The following UGT2A1 variants were observed in gnomAD, a reference collection of about 807,000 sequenced individuals.
UGT2A1 encodes UDP glucuronosyltransferase family 2 member A1 complex locus.
Under a neutral mutation model 45.4 loss-of-function variants are expected in UGT2A1, and 61 were observed. That is an observed-to-expected ratio of 1.34 (90% CI 1.09 to 1.66). The LOEUF is 1.66. Among genes scored for constraint, UGT2A1 ranks in the 40% most tolerant of loss-of-function variants. The pLI, the probability that UGT2A1 is intolerant of heterozygous loss-of-function variation, is 0.00. For missense variants in UGT2A1, 649 were observed against 574.3 expected (o/e 1.13, Z -1.33); for synonymous variants, 229 against 196.2 (o/e 1.17, Z -1.40).
chr4:69,605,181 CCT>C (rs1203683697), intron 3 of UGT2A1, among the ~76,000 whole-genome samples: 1 of 136,710 alleles, frequency 7.3e-6, no homozygotes, highest in Non-Finnish European at 1.6e-5. Context: ...GTAAAGCACT[CCT>C]CAGCAAATGT....
At chr4:69,643,088 C>T (rs1722113437) in intron 2 of UGT2A1, among the ~76,000 whole-genome samples, 1 of 151,390 alleles carries the variant, frequency 6.6e-6, no homozygotes, top group African/African-American at 2.4e-5. Context: ...GAAAGCTCTC[C>T]TAATGCCAAA....
At chr4:69,609,675 C>T (rs571861889) in intron 3 of UGT2A1, among the ~76,000 whole-genome samples, 63 of 138,646 alleles carry the variant, frequency 4.5e-4, no homozygotes, top group Non-Finnish European at 9.1e-4. Flanking sequence ...TATTTCTATA[C>T]CTATACCCAC....
At chr4:69,609,083 A>C (rs1719866537) in intron 3 of UGT2A1, among the ~76,000 whole-genome samples, 1 of 152,092 alleles carries the variant, frequency 6.6e-6, no homozygotes, top group African/African-American at 2.4e-5. Context: ...AGATAATGAG[A>C]AAACCATCAT....
intron 3 of UGT2A1, among the ~76,000 whole-genome samples, chr4:69,633,114 G>C (rs1347745735): frequency 1.3e-5 from 2 of 152,250 alleles, no homozygotes; most frequent in East Asian, 3.9e-4. Flanking sequence ...CTCAGCCTAA[G>C]TATCTGAAAA....
intron 3 of UGT2A1, among the ~76,000 whole-genome samples, chr4:69,630,566 C>T (rs1443683539): frequency 1.3e-5 from 2 of 152,006 alleles, no homozygotes; most frequent in African/African-American, 4.8e-5. Flanking sequence ...CAATACTCCT[C>T]CAAGTAGAAA....
chr4:69,635,625 C>A, intron 3 of UGT2A1, 66 bp downstream of exon 3: 1 of 190,970 alleles, frequency 5.2e-6, no homozygotes, highest in South Asian at 5.9e-5. Context: ...AGGTCAGGAA[C>A]TTGAGACCAG....
intron 4 of UGT2A1, among the ~76,000 whole-genome samples, chr4:69,598,927 C>T (rs952246652): frequency 6.6e-6 from 1 of 152,062 alleles, no homozygotes; most frequent in Non-Finnish European, 1.5e-5. Flanking sequence ...TGCTATGTGG[C>T]TTGGTAAGAC....
At position 69,589,619 on chromosome 4, in the gene UGT2A1, A is replaced by G. The variant is rs1383104538; in HGVS notation, c.1337T>C (p.Ile446Thr). 6.2e-7 allele frequency: 1 copy of G among 1,613,894 alleles called. No individual in the cohort carries two copies. The highest frequency in any genetic ancestry group is 8.5e-7 in the Non-Finnish European group (1 of 1,179,844). ...YKENAMRLSR[I>T]HHDQPVKPLD... ...GGGCTTTACAGGTTGATCATGGTGA[A>G]TTCTTGATAACCTCATAGCATTCTC... Residue 446 changes from isoleucine (I) to threonine (T), a missense_variant, in exon 7 of 7, where the codon ATT (isoleucine) becomes ACT (threonine). Transcript: ENST00000286604.
chr4:69,632,908 A>T (rs1560489796), intron 3 of UGT2A1, among the ~76,000 whole-genome samples: 1 of 151,768 alleles, frequency 6.6e-6, no homozygotes, highest in South Asian at 2.1e-4. Flanking sequence ...AAAAGTAACT[A>T]CATTTAAGAC....
chr4:69,639,371 G>T (rs193223396), intron 2 of UGT2A1: 2 of 1,613,598 alleles, frequency 1.2e-6, no homozygotes, highest in East Asian at 4.5e-5. Context: ...AATCTATATT[G>T]CTCTTCTTGT....
rs4148322 is a variant in UGT2A1, at chr4:69,589,691, GT to G, written c.1305-41del. The G allele has an allele frequency of 6.4e-5, 100 of 1,559,752 alleles. No homozygotes were observed. The East Asian group carries it at 2.2e-3, about 35-fold the overall frequency. On this transcript the variant is annotated intron_variant, in intron 6 of 6. Coordinates refer to ENST00000286604, the MANE Select transcript of UGT2A1 (RefSeq NM_001252275.3). Reference sequence around the variant, plus strand: ...AATAGGCAGAAATTAGACAATTTTTGTTTTTATTTTCATTGAAGATAAATAT... The same window carrying G: ...AATAGGCAGAAATTAGACAATTTTTGTTTTATTTTCATTGAAGATAAATAT...
intron 2 of UGT2A1, among the ~76,000 whole-genome samples, chr4:69,643,323 G>T (rs1722123749): frequency 6.6e-6 from 1 of 151,508 alleles, no homozygotes; most frequent in Non-Finnish European, 1.5e-5. Context: ...TAATAGATTT[G>T]CACCTGAAAT....
intron 1 of UGT2A1, among the ~76,000 whole-genome samples, chr4:69,649,309 T>G (rs1020937944): frequency 6.6e-6 from 1 of 152,076 alleles, no homozygotes; most frequent in Admixed American, 6.6e-5. Flanking sequence ...CATTGAAGTT[T>G]CTCTGCAGAA....
At chr4:69,647,722 CA>C in intron 1 of UGT2A1, 24 bp from the exon 2 acceptor site, 1 of 1,080,470 alleles carries the variant, frequency 9.3e-7, no homozygotes. Context: ...AAAGGAAAGA[CA>C]AAATTATTTC....
intron 3 of UGT2A1, among the ~76,000 whole-genome samples, chr4:69,624,039 T>G (rs1720901570): frequency 1.3e-5 from 2 of 151,610 alleles, no homozygotes; most frequent in Admixed American, 1.3e-4. Context: ...ATTTCCTCAT[T>G]TATTTTCTGT....
At chr4:69,633,922 A>T (rs1018116260) in intron 3 of UGT2A1, among the ~76,000 whole-genome samples, 2 of 152,048 alleles carry the variant, frequency 1.3e-5, no homozygotes, top group African/African-American at 4.8e-5. Flanking sequence ...AAAGTTTAGG[A>T]TTTATGTTTT....
rs1718845649 is a variant in UGT2A1, at chr4:69,595,174, T to C, written c.1072A>G (p.Asn358Asp). ...NTQLFDWIPQNDLLGHPKTKA... is the reference protein window; with the variant it reads ...NTQLFDWIPQDDLLGHPKTKA... Reference sequence around the variant, plus strand: ...CCCACAGTCTTACCAAGAAGATCATTCTGGGGTATCCAATCAAAGAGCTGA... The same window carrying C: ...CCCACAGTCTTACCAAGAAGATCATCCTGGGGTATCCAATCAAAGAGCTGA... The change falls in exon 5 of 7, where the codon AAT (asparagine) becomes GAT (aspartate). Residue 358 changes from asparagine to aspartate, a missense_variant. Coordinates refer to ENST00000286604, the MANE Select transcript of UGT2A1 (RefSeq NM_001252275.3). The C allele has an allele frequency of 6.8e-6, 11 of 1,613,862 alleles. No individual in the cohort carries two copies. The highest frequency in any genetic ancestry group is 9.3e-6 in the Non-Finnish European group (11 of 1,179,866).
chr4:69,650,261 T>G (rs1259293626), intron 1 of UGT2A1, among the ~76,000 whole-genome samples: 1 of 152,106 alleles, frequency 6.6e-6, no homozygotes, highest in Non-Finnish European at 1.5e-5. Context: ...GTACCTACTA[T>G]TCACACACAG....
At chr4:69,651,260 G>A (rs1722511132) in intron 1 of UGT2A1, among the ~76,000 whole-genome samples, 1 of 152,128 alleles carries the variant, frequency 6.6e-6, no homozygotes, top group Admixed American at 6.6e-5. Context: ...CTGAATTTGT[G>A]TTTGTAATTA....
Sources: gnomAD v4.1 joint callset for allele counts (sites outside exome capture counted in the v4.1 genomes callset) on GRCh38, gnomAD v4.1.1 for gene constraint, MANE v1.5 for transcripts, NCBI Gene and HGNC (gene_info 2026-07-23, HGNC 2026-07-21) for gene names.